Variants in PHACTR1 observed in about 807,000 individuals in gnomAD.
PHACTR1 encodes the protein phosphatase and actin regulator 1.
In PHACTR1, 16 loss-of-function variants were observed where a neutral mutation model predicts 69.2. That is an observed-to-expected ratio of 0.23 (90% confidence interval 0.16 to 0.35). The LOEUF is 0.35. Ranked by LOEUF, PHACTR1 falls within the 10% of genes least tolerant of loss-of-function variation. PHACTR1 has a pLI of 1.00. For synonymous variants in PHACTR1, 312 were observed against 284.5 expected (o/e 1.10, Z -0.97); for missense variants, 510 against 734.7 (o/e 0.69, Z 3.54).
At chr6:13,238,961 A>C (rs1005559108) in intron 10 of PHACTR1, among the ~76,000 whole-genome samples, 104 of 152,340 alleles carry the variant, frequency 6.8e-4, no homozygotes, top group African/African-American at 2.4e-3. Flanking sequence ...TTTAGAGGCC[A>C]TGCTTGTAGG....
At chr6:12,774,935 T>C (rs774652826) in intron 4 of PHACTR1, among the ~76,000 whole-genome samples, 2 of 152,208 alleles carry the variant, frequency 1.3e-5, no homozygotes, top group Non-Finnish European at 2.9e-5. Flanking sequence ...CCTGAGTCAC[T>C]TCTAGAACAT....
At chr6:13,235,324 T>G (rs557268462) in intron 10 of PHACTR1, among the ~76,000 whole-genome samples, 2 of 152,356 alleles carry the variant, frequency 1.3e-5, no homozygotes, top group Admixed American at 6.5e-5. Context: ...TACTTCTAGT[T>G]CTGTTCATTT....
chr6:13,210,368 A>G (rs1415434768), intron 8 of PHACTR1, among the ~76,000 whole-genome samples: 2 of 152,136 alleles, frequency 1.3e-5, no homozygotes, highest in African/African-American at 4.8e-5. Flanking sequence ...GGCACTAAAC[A>G]ATGGCGTGGT....
Position 13,283,344 on chromosome 6 carries a change from C to T in PHACTR1, c.1510-78C>T, listed in dbSNP as rs544491404. 1,467 of 1,556,240 alleles carry T rather than the reference C, an allele frequency of 9.4e-4. 27 individuals carry two copies. In the South Asian group the frequency reaches 0.016, roughly 17 times the overall value. ...CCTCACTGAACCTTATTTTCCACACCTGCAAGTTCACAGACAGGACCAAGT... is the reference window on the plus strand; with the variant it reads ...CCTCACTGAACCTTATTTTCCACACTTGCAAGTTCACAGACAGGACCAAGT... On this transcript the variant is annotated intron_variant, in intron 12 of 14. Coordinates refer to ENST00000332995, the MANE Select transcript of PHACTR1 (RefSeq NM_030948.6). The surrounding 1 kb of genome is among the most constrained non-coding windows in gnomAD (Gnocchi z 4.7).
At chr6:13,066,762 C>T (rs549545557) in intron 5 of PHACTR1, among the ~76,000 whole-genome samples, 1 of 152,108 alleles carries the variant, frequency 6.6e-6, no homozygotes, top group Non-Finnish European at 1.5e-5. Context: ...GCCCCTTTCC[C>T]TGTTTATGTT....
intron 8 of PHACTR1, among the ~76,000 whole-genome samples, chr6:13,206,547 T>G (rs1738712774): frequency 6.6e-6 from 1 of 152,186 alleles, no homozygotes; most frequent in Non-Finnish European, 1.5e-5. Flanking sequence ...TCACCAAACT[T>G]CTAAATAAAG....
At chr6:13,148,151 G>C (rs1344403820) in intron 5 of PHACTR1, among the ~76,000 whole-genome samples, 2 of 147,478 alleles carry the variant, frequency 1.4e-5, no homozygotes, top group African/African-American at 2.5e-5. Context: ...ACTCAGCATG[G>C]CTTGTAAGAT....
At position 13,168,193 on chromosome 6, in the gene PHACTR1, A is replaced by G. The variant is rs73371729; in HGVS notation, c.496+7909A>G. On this transcript the variant is annotated intron_variant, in intron 6 of 14. Coordinates refer to ENST00000332995, the MANE Select transcript of PHACTR1 (RefSeq NM_030948.6). The stretch of plus-strand genomic sequence containing the variant: ...TGTTTACTTTCAGCATCAACAACCT[A>G]TAATCATTTGTGTAGCACCTAAGCA... 8.4e-3 allele frequency among the ~76,000 whole-genome samples: 1,283 copies of G among 152,344 alleles called. 15 individuals carry two copies. The highest frequency in any genetic ancestry group is 0.03 in the African/African-American group (1,243 of 41,582).
intron 5 of PHACTR1, among the ~76,000 whole-genome samples, chr6:13,099,886 T>A (rs1295397217): frequency 6.6e-6 from 1 of 152,218 alleles, no homozygotes; most frequent in Middle Eastern, 3.2e-3. Flanking sequence ...CTTCTGTAAT[T>A]TGTGAGCCTT....
chr6:13,271,167 C>G (rs141251536), intron 10 of PHACTR1, among the ~76,000 whole-genome samples: 2,699 of 152,058 alleles, frequency 0.018, 82 homozygotes, highest in African/African-American at 0.062. Context: ...TGCCACCATG[C>G]CCGGCTAATT....
At chr6:13,009,348 A>G (rs919339810) in intron 4 of PHACTR1, among the ~76,000 whole-genome samples, 1 of 152,192 alleles carries the variant, frequency 6.6e-6, no homozygotes, top group African/African-American at 2.4e-5. Context: ...AAATTGAATG[A>G]ATAGCTTGAG....
intron 4 of PHACTR1, among the ~76,000 whole-genome samples, chr6:12,827,011 T>A (rs537356193): frequency 6.6e-6 from 1 of 152,348 alleles, no homozygotes; most frequent in South Asian, 2.1e-4. Context: ...CTTGTTGCAA[T>A]TCTGTGGGAT....
intron 4 of PHACTR1, among the ~76,000 whole-genome samples, chr6:12,773,982 G>A (rs950719): frequency 0.079 from 12,034 of 152,180 alleles, 553 homozygotes; most frequent in Admixed American, 0.11. Flanking sequence ...TAGGATTTGA[G>A]CTTAAGGGTT....
intron 7 of PHACTR1, among the ~76,000 whole-genome samples, chr6:13,187,892 A>G (rs114499976): frequency 1.6e-4 from 24 of 152,384 alleles, no homozygotes; most frequent in African/African-American, 5.0e-4. Flanking sequence ...AAGAAGAGTC[A>G]GCAGAATTTC....
chr6:13,121,507 G>A (rs1818728874), intron 5 of PHACTR1, among the ~76,000 whole-genome samples: 1 of 152,138 alleles, frequency 6.6e-6, no homozygotes, highest in Non-Finnish European at 1.5e-5. Flanking sequence ...TTAAACAGGA[G>A]TTAACGATTA....
intron 5 of PHACTR1, among the ~76,000 whole-genome samples, chr6:13,109,231 A>G (rs1816633215): frequency 6.6e-6 from 1 of 151,932 alleles, no homozygotes; most frequent in Non-Finnish European, 1.5e-5. Flanking sequence ...TATTTTTTCC[A>G]TCCTGCTTTT....
At chr6:12,919,987 GT>G (rs1787461626) in intron 4 of PHACTR1, among the ~76,000 whole-genome samples, 1 of 152,044 alleles carries the variant, frequency 6.6e-6, no homozygotes, top group South Asian at 2.1e-4. Context: ...GTCTATATTA[GT>G]TTTTTCATCT....
chr6:13,160,772 A>G (rs1270513482), intron 6 of PHACTR1, among the ~76,000 whole-genome samples: 1 of 152,226 alleles, frequency 6.6e-6, no homozygotes, highest in African/African-American at 2.4e-5. Flanking sequence ...AATTTGTGAT[A>G]TATGACTGTA....
intron 4 of PHACTR1, among the ~76,000 whole-genome samples, chr6:13,032,095 TAA>T (rs1802532735): frequency 6.6e-6 from 1 of 152,252 alleles, no homozygotes; most frequent in African/African-American, 2.4e-5. Flanking sequence ...ATATGTTACC[TAA>T]TGCTGCAGAA....
Sources: allele counts gnomAD v4.1 joint callset (sites outside exome capture counted in the v4.1 genomes callset), GRCh38; gene constraint gnomAD v4.1.1; non-coding constraint Gnocchi (gnomAD v3.1); transcripts MANE v1.5; gene names NCBI Gene and HGNC (gene_info 2026-07-23, HGNC 2026-07-21).